Variants in ST3GAL3 observed in about 807,000 individuals in gnomAD.
ST3GAL3 encodes CMP-N-acetylneuraminate-beta-1,4-galactoside alpha-2,3-sialyltransferase.
Under a neutral mutation model 50.1 loss-of-function variants are expected in ST3GAL3, and 21 were observed. The observed-to-expected ratio is 0.42, with a 90% CI of 0.30 to 0.60. The LOEUF is 0.60. Ranked by LOEUF, ST3GAL3 falls within the 20% of genes least tolerant of loss-of-function variation. ST3GAL3 has a pLI of 0.19. For synonymous variants in ST3GAL3, 183 were observed against 190.0 expected, an observed-to-expected ratio of 0.96 and a Z score of 0.30; for missense variants, 353 against 489.4, an observed-to-expected ratio of 0.72 and a Z score of 2.63.
intron 5 of ST3GAL3, among the ~76,000 whole-genome samples, chr1:43,855,818 A>ATACTT (rs1553394853): frequency 2.0e-5 from 3 of 151,548 alleles, no homozygotes; most frequent in African/African-American, 4.9e-5. Flanking sequence ...ACATTACAGA[A>ATACTT]CATAGGCCAC....
chr1:43,787,936 G>A (rs1330438897), intron 2 of ST3GAL3, among the ~76,000 whole-genome samples: 1 of 152,176 alleles, frequency 6.6e-6, no homozygotes, highest in Non-Finnish European at 1.5e-5. Context: ...TAATTAAAGA[G>A]AAAAGCTCAA....
At chr1:43,929,590 C>T (rs1355144809) in intron 11 of ST3GAL3, among the ~76,000 whole-genome samples, 2 of 152,198 alleles carry the variant, frequency 1.3e-5, no homozygotes, top group Admixed American at 1.3e-4. Context: ...CGTGAGCCAC[C>T]GCGCCTGGCC....
intron 5 of ST3GAL3, chr1:43,839,551 A>G (rs2065007584): frequency 6.6e-6 from 1 of 152,308 alleles, no homozygotes; most frequent in African/African-American, 2.4e-5. Flanking sequence ...AAAAGGTTAT[A>G]TACTGCCACT....
chr1:43,742,404 G>T (rs1362071446), intron 2 of ST3GAL3, among the ~76,000 whole-genome samples: 1 of 152,222 alleles, frequency 6.6e-6, no homozygotes, highest in Admixed American at 6.5e-5. Flanking sequence ...GCTTTCCTCA[G>T]ATCCACACTC....
intron 5 of ST3GAL3, among the ~76,000 whole-genome samples, chr1:43,843,861 G>A (rs1222252642): frequency 6.6e-6 from 1 of 152,166 alleles, no homozygotes; most frequent in Non-Finnish European, 1.5e-5. Context: ...TATCCACCTG[G>A]AGATGGCGTC....
intron 1 of ST3GAL3, among the ~76,000 whole-genome samples, chr1:43,712,718 G>T (rs942417210): frequency 1.3e-5 from 2 of 152,194 alleles, no homozygotes; most frequent in African/African-American, 4.8e-5. Flanking sequence ...GTTATTAGCT[G>T]GGTGGATATG....
At chr1:43,792,016 G>T in intron 2 of ST3GAL3, 86 bp from the exon 3 acceptor site, 2 of 1,510,194 alleles carry the variant, frequency 1.3e-6, no homozygotes, top group Non-Finnish European at 9.2e-7. Flanking sequence ...ACTCTGCTTT[G>T]AGGGAGGGTT....
intron 5 of ST3GAL3, chr1:43,851,015 G>A: frequency 1.2e-6 from 1 of 845,644 alleles, no homozygotes; most frequent in Non-Finnish European, 2.1e-6. Context: ...AATGGGGAGG[G>A]CACCACGCCA....
chr1:43,769,204 A>G (rs1694186138), intron 2 of ST3GAL3, among the ~76,000 whole-genome samples: 1 of 152,260 alleles, frequency 6.6e-6, no homozygotes, highest in East Asian at 1.9e-4. Context: ...AATAAAATTC[A>G]GCATGTGTTG....
intron 4 of ST3GAL3, among the ~76,000 whole-genome samples, chr1:43,817,605 C>A (rs1350620267): frequency 2.0e-5 from 1 of 51,108 alleles, no homozygotes; most frequent in East Asian, 1.3e-3. Flanking sequence ...CTCCCTTCTC[C>A]TTCTCCTCCT....
At chr1:43,742,699 C>T (rs978172720) in intron 2 of ST3GAL3, among the ~76,000 whole-genome samples, 1 of 152,044 alleles carries the variant, frequency 6.6e-6, no homozygotes, top group African/African-American at 2.4e-5. Flanking sequence ...AAGGAAAATA[C>T]AGTAGTGAAC....
chr1:43,887,598 G>A (rs878987515), intron 5 of ST3GAL3, among the ~76,000 whole-genome samples: 1 of 152,216 alleles, frequency 6.6e-6, no homozygotes, highest in Admixed American at 6.5e-5. Flanking sequence ...CTGGAGTCAA[G>A]TAAGTCATCT....
At chr1:43,855,145 C>T (rs184542654) in intron 5 of ST3GAL3, among the ~76,000 whole-genome samples, 235 of 152,346 alleles carry the variant, frequency 1.5e-3, no homozygotes, top group Middle Eastern at 3.4e-3. Context: ...AGAGATCTTA[C>T]ATTCCACTGG....
chr1:43,745,111 A>G (rs1227763535), intron 2 of ST3GAL3, among the ~76,000 whole-genome samples: 1 of 152,260 alleles, frequency 6.6e-6, no homozygotes, highest in Non-Finnish European at 1.5e-5. Context: ...ACTGGGCTAT[A>G]CAGGAAAGAT....
At chr1:43,741,173 A>G (rs1035489921) in intron 2 of ST3GAL3, among the ~76,000 whole-genome samples, 5 of 151,896 alleles carry the variant, frequency 3.3e-5, no homozygotes, top group Admixed American at 2.6e-4. Context: ...CAGAAAAATA[A>G]AAAAAATTAG....
intron 4 of ST3GAL3, among the ~76,000 whole-genome samples, chr1:43,836,913 C>G (rs1014373412): frequency 6.6e-6 from 1 of 152,194 alleles, no homozygotes; most frequent in African/African-American, 2.4e-5. Flanking sequence ...CACACAGCAA[C>G]AGGCCAGGAT....
intron 9 of ST3GAL3, among the ~76,000 whole-genome samples, chr1:43,915,962 T>C (rs551951378): frequency 4.6e-5 from 7 of 151,902 alleles, no homozygotes; most frequent in Non-Finnish European, 1.0e-4. Context: ...CTACTAAAAA[T>C]AAAAAAATTA....
In ST3GAL3 at chr1:43,781,155, T is replaced by C. The variant is rs112971538; in HGVS notation, c.119-10947T>C. Reference sequence around the variant, plus strand: ...TTTCCAGTTTTGTGTCTCTTCTGTCTTTGTCCTGGGTGCTTCTGCTTTACA... The same window carrying C: ...TTTCCAGTTTTGTGTCTCTTCTGTCCTTGTCCTGGGTGCTTCTGCTTTACA... On this transcript the variant is annotated intron_variant, in intron 2 of 11. Coordinates refer to ENST00000347631, the MANE Select transcript of ST3GAL3 (RefSeq NM_006279.5). 5.3e-3 allele frequency among the ~76,000 whole-genome samples: 807 copies of C among 152,248 alleles called. 16 individuals carry two copies. The highest frequency in any genetic ancestry group is 0.018 in the African/African-American group (750 of 41,542).
chr1:43,898,927 A>G, intron 7 of ST3GAL3: 1 of 577,006 alleles, frequency 1.7e-6, no homozygotes, highest in Non-Finnish European at 3.1e-6. Flanking sequence ...AAGCCTTTCC[A>G]TGGCCCTGTT....
Sources: gnomAD v4.1 joint callset for allele counts (sites outside exome capture counted in the v4.1 genomes callset) on GRCh38, gnomAD v4.1.1 for gene constraint, MANE v1.5 for transcripts, NCBI Gene and HGNC (gene_info 2026-07-23, HGNC 2026-07-21) for gene names.